USP43: variants seen among roughly 807,000 people sequenced by gnomAD.
USP43 encodes ubiquitin carboxyl-terminal hydrolase 43.
A neutral mutation model predicts 90.7 loss-of-function variants in USP43; 33 were observed. That is an observed-to-expected ratio of 0.36 (90% CI 0.28 to 0.49). The LOEUF (loss-of-function observed/expected upper bound fraction) is 0.49. Ranked by LOEUF, USP43 falls within the 20% of genes least tolerant of loss-of-function variation. The pLI is 0.98. For synonymous variants in USP43, 598 were observed against 615.8 expected (o/e 0.97, Z 0.43); for missense variants, 1,274 against 1,476.4 (o/e 0.86, Z 2.25).
chr17:9,680,012 GA>G (rs1914058997), intron 5 of USP43, among the ~76,000 whole-genome samples: 1 of 132,314 alleles, frequency 7.6e-6, no homozygotes, highest in African/African-American at 3.1e-5. Context: ...ATAAAACTTA[GA>G]TTTTTTTTTT....
chr17:9,678,833 G>A (rs1355470416), intron 5 of USP43, among the ~76,000 whole-genome samples: 1 of 151,256 alleles, frequency 6.6e-6, no homozygotes, highest in Non-Finnish European at 1.5e-5. Flanking sequence ...TCCAGAAGAT[G>A]TACTTCATGT....
chr17:9,692,911 AAC>A (rs1189756898), intron 8 of USP43, among the ~76,000 whole-genome samples: 2 of 152,228 alleles, frequency 1.3e-5, no homozygotes, highest in Non-Finnish European at 2.9e-5. Flanking sequence ...TAACATATTA[AAC>A]ACAGTATTAG....
intron 14 of USP43, among the ~76,000 whole-genome samples, chr17:9,717,603 C>T (rs1187063000): frequency 6.6e-6 from 1 of 151,826 alleles, no homozygotes; most frequent in Non-Finnish European, 1.5e-5. Flanking sequence ...TCCGGGTGCT[C>T]CAGTTTCCTC....
At chr17:9,706,042 A>C (rs532957391) in intron 12 of USP43, among the ~76,000 whole-genome samples, 2 of 152,166 alleles carry the variant, frequency 1.3e-5, no homozygotes, top group Non-Finnish European at 2.9e-5. Flanking sequence ...TGCCCATCTA[A>C]TAGTAGGAAA....
chr17:9,722,476 C>T (rs1489250371), intron 14 of USP43, among the ~76,000 whole-genome samples: 2 of 152,122 alleles, frequency 1.3e-5, no homozygotes, highest in African/African-American at 4.8e-5. Flanking sequence ...TTGTTCATTT[C>T]GTTTTTAAAG....
At chr17:9,658,141 T>A (rs1912390594) in intron 2 of USP43, among the ~76,000 whole-genome samples, 1 of 152,204 alleles carries the variant, frequency 6.6e-6, no homozygotes, top group Admixed American at 6.5e-5. Context: ...ATTATTCTCA[T>A]TCTTTTCATT....
Position 9,674,102 on chromosome 17 carries a change from G to A in USP43, c.741-789G>A, listed in dbSNP as rs1295359425. ...GGAATTTTAAAAAAGCCTTCCTGTGGTTCTGGGGCACAGTGAGGCTGAGAA... is the reference window on the plus strand; with the variant it reads ...GGAATTTTAAAAAAGCCTTCCTGTGATTCTGGGGCACAGTGAGGCTGAGAA... On this transcript the variant is annotated intron_variant, in intron 3 of 14. Transcript: ENST00000285199. The surrounding 1 kb of genome is among the most constrained non-coding windows in gnomAD (Gnocchi z 4.4). Among the ~76,000 whole-genome samples the A allele has an allele frequency of 6.6e-6, 1 of 152,050 alleles. No homozygotes were observed. Among genetic ancestry groups the A allele is most frequent in the East Asian group, 1.9e-4 (1 of 5,194 alleles).
Position 9,666,764 on chromosome 17 carries a change from T to C in USP43, c.740+13T>C. The C allele has an allele frequency of 1.2e-6, 2 of 1,602,400 alleles. No individual in the cohort carries two copies. The highest frequency in any genetic ancestry group is 1.7e-6 in the Non-Finnish European group (2 of 1,172,234). ...AAGCACAATATAGGTAAGATGGGGATGTGTTTAGAATGTATCACCCGAGGG... is the reference window on the plus strand; with the variant it reads ...AAGCACAATATAGGTAAGATGGGGACGTGTTTAGAATGTATCACCCGAGGG... On this transcript the variant is annotated intron_variant, in intron 3 of 14. Coordinates refer to ENST00000285199, the MANE Select transcript of USP43 (RefSeq NM_153210.5).
At chr17:9,684,289 A>G (rs1486115083) in intron 7 of USP43, among the ~76,000 whole-genome samples, 3 of 152,204 alleles carry the variant, frequency 2.0e-5, no homozygotes, top group Admixed American at 1.3e-4. Flanking sequence ...ATTTAAACTA[A>G]AAGCAAATTT....
Position 9,682,902 on chromosome 17 carries a change from G to C in USP43, c.1185G>C (p.Glu395Asp), listed in dbSNP as rs756670307. Reference protein sequence around the residue: ...GQRFSLSLHSESKVLILFCNL... With the variant: ...GQRFSLSLHSDSKVLILFCNL... ...GATTCTCCCTCTCTCTCCACAGTGA[G>C]AGCAAGGTGCTAATCCTCTTCTGTA... Residue 395 changes from glutamate (E) to aspartate (D), a missense_variant, in exon 7 of 15, where the codon GAG becomes GAC. Physicochemically the swap from Glu to Asp is conservative, Grantham distance 45 (BLOSUM62 2). This residue lies in a region of USP43 where 253 missense variants were observed against 276.0 expected (regional missense o/e 0.92). Coordinates refer to ENST00000285199, the MANE Select transcript of USP43 (RefSeq NM_153210.5). 3 of 1,613,938 alleles carry C rather than the reference G, an allele frequency of 1.9e-6. No homozygotes were observed. Among genetic ancestry groups the C allele is most frequent in the Non-Finnish European group, 1.7e-6 (2 of 1,179,902 alleles).
chr17:9,685,228 T>C (rs914231141), intron 7 of USP43, among the ~76,000 whole-genome samples: 1 of 152,202 alleles, frequency 6.6e-6, no homozygotes, highest in Non-Finnish European at 1.5e-5. Flanking sequence ...TCTTACCTCA[T>C]TGGGTCTTCA....
intron 14 of USP43, among the ~76,000 whole-genome samples, chr17:9,715,818 T>A (rs533688360): frequency 6.6e-6 from 1 of 151,788 alleles, no homozygotes; most frequent in South Asian, 2.1e-4. Context: ...TCTGTGTGTC[T>A]CTGTGTGTCT....
chr17:9,694,309 T>C (rs919064941), intron 9 of USP43, among the ~76,000 whole-genome samples: 1 of 152,158 alleles, frequency 6.6e-6, no homozygotes, highest in Non-Finnish European at 1.5e-5. Context: ...GGCTGGCAGA[T>C]GCTTTTGCTT....
intron 9 of USP43, among the ~76,000 whole-genome samples, chr17:9,699,386 C>G (rs936017975): frequency 1.1e-4 from 17 of 152,340 alleles, no homozygotes; most frequent in African/African-American, 3.8e-4. Context: ...TGCCACAACT[C>G]CAGCTCAGAC....
At position 9,728,937 on chromosome 17, in the gene USP43, T is replaced by C; in HGVS notation, c.3319T>C (p.Tyr1107His). Residue 1107 changes from tyrosine to histidine, a missense_variant, in exon 15 of 15, where the codon TAT (tyrosine) becomes CAT (histidine). By Grantham distance (83) the Tyr-to-His change is moderately conservative. Coordinates refer to ENST00000285199, the MANE Select transcript of USP43 (RefSeq NM_153210.5). The surrounding 1 kb of genome is among the most constrained non-coding windows in gnomAD (Gnocchi z 6.2). ...ASYGTFQRVK[Y>H]HTLSLGRKKT... is the part of the protein sequence containing the mutation. ...TTATGGCACCTTTCAGAGAGTCAAA[T>C]ATCACACTCTTTCTTTAGGTCGAAA... is the stretch of plus-strand genomic sequence containing the variant. 1 of 1,603,182 alleles carries C rather than the reference T, an allele frequency of 6.2e-7. No individual in the cohort carries two copies. The highest frequency in any genetic ancestry group is 8.5e-7 in the Non-Finnish European group (1 of 1,173,284).
At chr17:9,715,750 G>A (rs1176241175) in intron 14 of USP43, among the ~76,000 whole-genome samples, 1 of 102,394 alleles carries the variant, frequency 9.8e-6, no homozygotes, top group African/African-American at 4.0e-5. Context: ...TGTCTCTGTA[G>A]GTATGTGTCT....
Position 9,701,349 on chromosome 17 carries a change from C to T in USP43, c.1663-3C>T, listed in dbSNP as rs372569019. ...CTCACAGTCCGGGTGGTTTGCTTTCCAGCTGGCCCAGGATGACGCCTGGAA... is the reference window on the plus strand; with the variant it reads ...CTCACAGTCCGGGTGGTTTGCTTTCTAGCTGGCCCAGGATGACGCCTGGAA... On this transcript the variant is annotated splice_region_variant and splice_polypyrimidine_tract_variant and intron_variant, in intron 11 of 14. Coordinates refer to ENST00000285199, the MANE Select transcript of USP43 (RefSeq NM_153210.5). This position sits in a 1 kb window ranked among gnomAD's most constrained non-coding sequence, Gnocchi z 7.2. The T allele has an allele frequency of 1.1e-5, 18 of 1,592,004 alleles. No homozygotes were observed. The African/African-American group carries it at 2.1e-4, about 19-fold the overall frequency.
intron 8 of USP43, 128 bp downstream of exon 8, chr17:9,687,037 T>A: frequency 1.5e-6 from 1 of 685,452 alleles, no homozygotes; most frequent in Non-Finnish European, 2.3e-6. Flanking sequence ...TGTTAAAGAG[T>A]GTTCATACTG....
At chr17:9,720,023 C>T (rs1407455392) in intron 14 of USP43, among the ~76,000 whole-genome samples, 1 of 152,000 alleles carries the variant, frequency 6.6e-6, no homozygotes, top group East Asian at 1.9e-4. Context: ...GCCTTGATCG[C>T]ACCACTGTGC....
Sources: gnomAD v4.1 joint callset for allele counts (sites outside exome capture counted in the v4.1 genomes callset) on GRCh38, gnomAD v4.1.1 for gene constraint, gnomAD v4.1.1 regional missense constraint, Gnocchi (gnomAD v3.1) non-coding constraint, MANE v1.5 for transcripts, NCBI Gene and HGNC (gene_info 2026-07-23, HGNC 2026-07-21) for gene names.